KHDRBS2: variants seen among roughly 807,000 people sequenced by gnomAD.
KHDRBS2 encodes KH RNA binding domain containing, signal transduction associated 2.
KHDRBS2 carries 26 observed loss-of-function variants against 44.3 expected under a neutral mutation model. The observed-to-expected ratio is 0.59, with a 90% CI of 0.43 to 0.81. The LOEUF is 0.81. KHDRBS2 is among the 40% of genes least tolerant of loss of function. The pLI is 0.00. For synonymous variants in KHDRBS2, 194 were observed against 151.1 expected (o/e 1.28, Z -2.08); for missense variants, 476 against 433.1 (o/e 1.10, Z -0.88).
chr6:62,126,319 C>T (rs186550415), intron 2 of KHDRBS2, among the ~76,000 whole-genome samples: 79 of 152,294 alleles, frequency 5.2e-4, no homozygotes, highest in African/African-American at 1.7e-3. Context: ...GGTGCCAATA[C>T]AGTTGCAGTA....
chr6:61,910,089 G>A (rs969297174), intron 4 of KHDRBS2, among the ~76,000 whole-genome samples: 4 of 152,166 alleles, frequency 2.6e-5, no homozygotes, highest in African/African-American at 7.2e-5. Context: ...AGATTAGGGC[G>A]CTTTTACCGG....
intron 1 of KHDRBS2, among the ~76,000 whole-genome samples, chr6:62,247,458 G>A (rs1474870930): frequency 6.6e-6 from 1 of 151,876 alleles, no homozygotes; most frequent in East Asian, 1.9e-4. Flanking sequence ...AAGAGAAAGA[G>A]GAGATTTTTC....
chr6:61,706,581 A>G (rs190210361), intron 7 of KHDRBS2, among the ~76,000 whole-genome samples: 1 of 151,904 alleles, frequency 6.6e-6, no homozygotes, highest in Non-Finnish European at 1.5e-5. Flanking sequence ...TTGAGGACCA[A>G]AGCCTTTGCC....
At chr6:61,876,602 G>T (rs1225631947) in intron 6 of KHDRBS2, among the ~76,000 whole-genome samples, 2 of 152,028 alleles carry the variant, frequency 1.3e-5, no homozygotes, top group Non-Finnish European at 2.9e-5. Context: ...CTGAAAATGA[G>T]ATTGTTTTCT....
At chr6:61,676,743 T>C (rs1326184121), downstream of KHDRBS2, among the ~76,000 whole-genome samples, 6 of 151,792 alleles carry the variant, frequency 4.0e-5, no homozygotes, top group African/African-American at 9.7e-5. Flanking sequence ...GACTCCCCTT[T>C]AGTCAGAGGT....
At chr6:61,634,961 A>G in the KHDRBS2 span, among the ~76,000 whole-genome samples, 11 of 152,142 alleles carry the variant, frequency 7.2e-5, no homozygotes, top group East Asian at 1.7e-3. Context: ...CCAAAAAAAG[A>G]AGCTTTCTTG....
At chr6:61,834,081 G>A (rs1262281641) in intron 6 of KHDRBS2, among the ~76,000 whole-genome samples, 1 of 152,062 alleles carries the variant, frequency 6.6e-6, no homozygotes, top group African/African-American at 2.4e-5. Flanking sequence ...TCCACTTTCT[G>A]TGCAAACATA....
chr6:61,933,850 T>C (rs1273948651), intron 4 of KHDRBS2, among the ~76,000 whole-genome samples: 5 of 152,316 alleles, frequency 3.3e-5, no homozygotes, highest in Middle Eastern at 3.4e-3. Flanking sequence ...GGTAGTTCTA[T>C]TTTTAAGTTT....
chr6:61,940,266 C>T (rs1439789104), intron 4 of KHDRBS2, among the ~76,000 whole-genome samples: 5 of 151,812 alleles, frequency 3.3e-5, no homozygotes, highest in South Asian at 4.2e-4. Flanking sequence ...AATATATTGC[C>T]CACATTAAAA....
the KHDRBS2 span, among the ~76,000 whole-genome samples, chr6:61,586,904 A>G: frequency 6.6e-6 from 1 of 152,160 alleles, no homozygotes; most frequent in African/African-American, 2.4e-5. Context: ...AATCTAATAT[A>G]AATAGGGTTT....
chr6:62,180,781 T>C (rs1482692346), intron 1 of KHDRBS2, among the ~76,000 whole-genome samples: 1 of 151,740 alleles, frequency 6.6e-6, no homozygotes, highest in Non-Finnish European at 1.5e-5. Context: ...CACTTCCCAA[T>C]TTCAAAATAT....
At chr6:61,958,131 C>T (rs563756065) in intron 4 of KHDRBS2, among the ~76,000 whole-genome samples, 7 of 152,244 alleles carry the variant, frequency 4.6e-5, no homozygotes, top group South Asian at 2.1e-4. Context: ...GACATCAAAA[C>T]CATTTCCCTC....
At chr6:62,067,711 C>T (rs577414565) in intron 2 of KHDRBS2, among the ~76,000 whole-genome samples, 63 of 151,322 alleles carry the variant, frequency 4.2e-4, no homozygotes, top group Non-Finnish European at 7.8e-4. Context: ...TAAAAAAATC[C>T]CATACTTAAT....
intron 7 of KHDRBS2, among the ~76,000 whole-genome samples, chr6:61,706,720 G>A (rs1286479772): frequency 6.6e-6 from 1 of 151,704 alleles, no homozygotes; most frequent in Non-Finnish European, 1.5e-5. Context: ...AGATATGTTG[G>A]AATAAAATAT....
chr6:62,174,751 G>C lies in KHDRBS2; in HGVS notation c.219+2434C>G, dbSNP rs145236382. On this transcript the variant is annotated intron_variant, in intron 2 of 8. Transcript: ENST00000281156. ...TGGTACAGACAGCAGTTGTCAAGGG[G>C]AGAAATGGTTCTGAGAGAAAGCTGT... is the stretch of plus-strand genomic sequence containing the variant. 9.0e-3 allele frequency among the ~76,000 whole-genome samples: 1,371 copies of C among 151,882 alleles called. 9 individuals are homozygous for C. The highest frequency in any genetic ancestry group is 0.016 in the Non-Finnish European group (1,070 of 67,740).
chr6:61,670,511 T>C, the KHDRBS2 span, among the ~76,000 whole-genome samples: 1 of 151,662 alleles, frequency 6.6e-6, no homozygotes, highest in Admixed American at 6.6e-5. Context: ...AGACACAGTT[T>C]AAAAATTCAA....
intron 2 of KHDRBS2, among the ~76,000 whole-genome samples, chr6:62,150,492 G>A (rs1453206385): frequency 1.3e-5 from 2 of 152,150 alleles, no homozygotes; most frequent in African/African-American, 2.4e-5. Context: ...CCCTGTCTAT[G>A]GAACTAGTAA....
intron 6 of KHDRBS2, among the ~76,000 whole-genome samples, chr6:61,801,651 G>GATAA: frequency 6.6e-6 from 1 of 152,164 alleles, no homozygotes; most frequent in African/African-American, 2.4e-5. Flanking sequence ...AATGACATTG[G>GATAA]TGATGATGAT....
At chr6:61,829,612 G>A (rs1205636703) in intron 6 of KHDRBS2, among the ~76,000 whole-genome samples, 4 of 152,104 alleles carry the variant, frequency 2.6e-5, no homozygotes, top group African/African-American at 9.7e-5. Context: ...TTATCAGCAG[G>A]TCAATTAAGC....
Sources: allele counts gnomAD v4.1 joint callset (sites outside exome capture counted in the v4.1 genomes callset), GRCh38; gene constraint gnomAD v4.1.1; transcripts MANE v1.5; gene names NCBI Gene and HGNC (gene_info 2026-07-23, HGNC 2026-07-21).